LRRC7: variants seen among roughly 807,000 people sequenced by gnomAD.
LRRC7 encodes the protein leucine rich repeat containing 7, also known as leucine-rich repeat-containing protein 7.
LRRC7 carries 23 observed loss-of-function variants against 175.7 expected under a neutral mutation model. That is an observed-to-expected ratio of 0.13 (90% CI 0.09 to 0.19). The LOEUF (loss-of-function observed/expected upper bound fraction) is 0.19. Ranked by LOEUF, LRRC7 falls within the 10% of genes least tolerant of loss-of-function variation. The pLI is 1.00. For missense variants in LRRC7, 1,354 were observed against 1,904.7 expected (o/e 0.71, Z 5.38); for synonymous variants, 685 against 680.9 (o/e 1.01, Z -0.09).
At chr1:69,640,303 C>T (rs979686801) in intron 1 of LRRC7, among the ~76,000 whole-genome samples, 3 of 151,606 alleles carry the variant, frequency 2.0e-5, no homozygotes, top group Non-Finnish European at 4.4e-5. Context: ...ATATAACACA[C>T]AATTAATTCT....
chr1:70,119,027 C>T (rs757406283), intron 26 of LRRC7, among the ~76,000 whole-genome samples: 5 of 150,152 alleles, frequency 3.3e-5, no homozygotes, highest in East Asian at 1.9e-4. Flanking sequence ...GGTCTAAAGT[C>T]GCATGTTTTG....
chr1:69,703,938 C>T (rs190161256), intron 2 of LRRC7, among the ~76,000 whole-genome samples: 3 of 152,014 alleles, frequency 2.0e-5, no homozygotes, highest in East Asian at 3.9e-4. Flanking sequence ...ATTTGGTCAG[C>T]GTTCTTATTT....
At chr1:69,631,514 T>G (rs1019013978) in intron 1 of LRRC7, among the ~76,000 whole-genome samples, 1 of 152,032 alleles carries the variant, frequency 6.6e-6, no homozygotes, top group South Asian at 2.1e-4. Flanking sequence ...GGGGGTGATG[T>G]TCTAGTTTTG....
chr1:69,825,442 C>A (rs1410056196), intron 4 of LRRC7, among the ~76,000 whole-genome samples: 1 of 151,980 alleles, frequency 6.6e-6, no homozygotes, highest in Non-Finnish European at 1.5e-5. Context: ...ATTTTTATTT[C>A]TTTAGGTTAC....
chr1:69,906,441 G>A (rs1204221079), intron 7 of LRRC7, among the ~76,000 whole-genome samples: 1 of 152,166 alleles, frequency 6.6e-6, no homozygotes, highest in African/African-American at 2.4e-5. Flanking sequence ...TTTGTATAAG[G>A]TGTAAGGAAG....
chr1:70,014,277 G>A (rs370790684), intron 13 of LRRC7: 3 of 151,810 alleles, frequency 2.0e-5, no homozygotes, highest in Non-Finnish European at 2.9e-5. Context: ...TTCATTCATC[G>A]TATGCAAAAT....
chr1:69,851,314 G>T (rs1682957244), intron 7 of LRRC7, among the ~76,000 whole-genome samples: 1 of 152,126 alleles, frequency 6.6e-6, no homozygotes, highest in African/African-American at 2.4e-5. Flanking sequence ...ACTGCAAGAT[G>T]CAGCAGTGCA....
intron 3 of LRRC7, among the ~76,000 whole-genome samples, chr1:69,783,968 C>T (rs1674102742): frequency 6.6e-6 from 1 of 151,880 alleles, no homozygotes; most frequent in Non-Finnish European, 1.5e-5. Flanking sequence ...AGCAGCATTG[C>T]TCATGTTAGA....
chr1:69,929,974 A>G (rs1361234456), intron 7 of LRRC7, among the ~76,000 whole-genome samples: 1 of 152,092 alleles, frequency 6.6e-6, no homozygotes, highest in Non-Finnish European at 1.5e-5. Context: ...CCATATTAGC[A>G]TGCTTTTTCA....
chr1:69,922,894 C>T (rs959257851), intron 7 of LRRC7, among the ~76,000 whole-genome samples: 1 of 151,836 alleles, frequency 6.6e-6, no homozygotes, highest in African/African-American at 2.4e-5. Context: ...ATACGCCATG[C>T]TGGTGTGCTG....
intron 7 of LRRC7, among the ~76,000 whole-genome samples, chr1:69,909,766 G>A (rs559797513): frequency 1.6e-3 from 241 of 151,920 alleles, no homozygotes; most frequent in South Asian, 3.8e-3. Context: ...TGCTCTTCTC[G>A]GGGAGTATCT....
Position 70,143,447 on chromosome 1 carries a change from T to G in LRRC7, c.*21560T>G, listed in dbSNP as rs1436891011. 1.3e-5 allele frequency: 2 copies of G among 152,080 alleles called. No homozygotes were observed. Among genetic ancestry groups the G allele is most frequent in the East Asian group, 3.8e-4 (2 of 5,196 alleles). The allele number at this position is 152,080 out of a possible 1,614,324, so 9.4% of individuals were successfully genotyped here. A position where few individuals can be genotyped will look rare whatever the true frequency, so the allele number is the denominator to read the frequency against. ...CCTTTTAATGTGCAATAGTAAACAT[T>G]GACATTTTACATAGACATATTGTAT... On this transcript the variant is annotated 3_prime_UTR_variant, in exon 27 of 27. Coordinates refer to ENST00000651989, the MANE Select transcript of LRRC7 (RefSeq NM_001370785.2).
intron 4 of LRRC7, among the ~76,000 whole-genome samples, chr1:69,801,808 G>C (rs1351541785): frequency 6.7e-6 from 1 of 149,000 alleles, no homozygotes; most frequent in Non-Finnish European, 1.5e-5. Flanking sequence ...CTGGAAGTTA[G>C]TCTGTGACCT....
intron 10 of LRRC7, among the ~76,000 whole-genome samples, chr1:69,992,726 T>C (rs971032816): frequency 6.6e-6 from 1 of 152,180 alleles, no homozygotes; most frequent in African/African-American, 2.4e-5. Flanking sequence ...TTTAAAGATA[T>C]TGAAAAAGAT....
chr1:69,601,635 T>C (rs1398501887), intron 1 of LRRC7, among the ~76,000 whole-genome samples: 1 of 152,224 alleles, frequency 6.6e-6, no homozygotes, highest in East Asian at 1.9e-4. Context: ...ATTTTTAATT[T>C]AACAATTTAA....
Position 70,039,662 on chromosome 1 carries a change from G to T in LRRC7, c.3838G>T (p.Asp1280Tyr). The T allele has an allele frequency of 6.2e-7, 1 of 1,614,146 alleles. No homozygotes were observed. Residue 1280 changes from aspartate (D) to tyrosine (Y), a missense_variant, in exon 21 of 27, where the codon GAC (aspartate) becomes TAC (tyrosine). Coordinates refer to ENST00000651989, the MANE Select transcript of LRRC7 (RefSeq NM_001370785.2). Reference protein sequence around the residue: ...PSDYNLGNYGDKPSDNSDLKT... With the variant: ...PSDYNLGNYGYKPSDNSDLKT... ...TGACTATAACTTGGGTAACTATGGTGACAAGCCATCAGATAACAGTGATTT... is the reference window on the plus strand; with the variant it reads ...TGACTATAACTTGGGTAACTATGGTTACAAGCCATCAGATAACAGTGATTT...
chr1:69,889,867 G>T (rs973022327), intron 7 of LRRC7, among the ~76,000 whole-genome samples: 3 of 149,354 alleles, frequency 2.0e-5, no homozygotes, highest in African/African-American at 7.6e-5. Flanking sequence ...GAGGAGGAAA[G>T]AAATCACTTT....
intron 2 of LRRC7, among the ~76,000 whole-genome samples, chr1:69,725,643 A>G (rs533811229): frequency 1.3e-5 from 2 of 152,322 alleles, no homozygotes; most frequent in Middle Eastern, 3.4e-3. Flanking sequence ...ATATGATTAG[A>G]GGAAGTTATT....
intron 18 of LRRC7, among the ~76,000 whole-genome samples, chr1:70,033,378 C>T (rs192215326): frequency 9.9e-5 from 15 of 152,226 alleles, no homozygotes; most frequent in Admixed American, 9.8e-4. Flanking sequence ...GAGTGTTTAG[C>T]ATAGTAGCAC....
Sources: allele counts gnomAD v4.1 joint callset (sites outside exome capture counted in the v4.1 genomes callset), GRCh38; gene constraint gnomAD v4.1.1; transcripts MANE v1.5; gene names NCBI Gene and HGNC (gene_info 2026-07-23, HGNC 2026-07-21).